Variants in ERMARD observed in about 807,000 individuals in gnomAD.
The protein encoded by ERMARD is endoplasmic reticulum membrane-associated RNA degradation protein.
Under a neutral mutation model 83.9 loss-of-function variants are expected in ERMARD, and 71 were observed. That is an observed-to-expected ratio of 0.85 (90% CI 0.70 to 1.03). The LOEUF (loss-of-function observed/expected upper bound fraction) is 1.03. Among genes scored for constraint, ERMARD ranks in the 50% least tolerant of loss-of-function variants. The probability of loss-of-function intolerance (pLI) is 0.00; values close to 1 mark genes in which losing one functional copy is unlikely to be tolerated. For synonymous variants in ERMARD, 284 were observed against 298.6 expected (o/e 0.95, Z 0.50); for missense variants, 838 against 810.9 (o/e 1.03, Z -0.41).
At chr6:169,756,695 AC>A (rs1790858957) in intron 4 of ERMARD, 23 bp from the exon 5 acceptor site, 2 of 1,592,106 alleles carry the variant, frequency 1.3e-6, no homozygotes, top group Admixed American at 1.7e-5. Context: ...TACAACTGTT[AC>A]ACAATTTTTG....
chr6:169,762,397 G>T, intron 8 of ERMARD, 32 bp from the exon 9 acceptor site: 1 of 1,577,350 alleles, frequency 6.3e-7, no homozygotes, highest in Non-Finnish European at 8.7e-7. Context: ...TTGAAATGTG[G>T]AGTTTTACCT....
At chr6:169,780,903 CA>C (rs1794132374) in intron 17 of ERMARD, among the ~76,000 whole-genome samples, 1 of 152,234 alleles carries the variant, frequency 6.6e-6, no homozygotes, top group South Asian at 2.1e-4. Flanking sequence ...CCCACATGTT[CA>C]GGGGGCCAAT....
At position 169,755,278 on chromosome 6, in the gene ERMARD, T is replaced by G; in HGVS notation, c.176-5T>G. On this transcript the variant is annotated splice_region_variant and splice_polypyrimidine_tract_variant and intron_variant, in intron 2 of 17. Coordinates refer to ENST00000366773, the MANE Select transcript of ERMARD (RefSeq NM_018341.3). ...GTGCTGAAATTTGTTTTCTTATCCT[T>G]TAAGAGCAGGGTCTGGATTACTGGG... is the stretch of plus-strand genomic sequence containing the variant. 1 of 1,613,384 alleles carries G rather than the reference T, an allele frequency of 6.2e-7. No individual in the cohort carries two copies.
chr6:169,752,254 A>G (rs1585331360), intron 1 of ERMARD, among the ~76,000 whole-genome samples: 1 of 152,282 alleles, frequency 6.6e-6, no homozygotes, highest in African/African-American at 2.4e-5. Context: ...ATTTTTGAGT[A>G]CTATGTGCTA....
intron 12 of ERMARD, among the ~76,000 whole-genome samples, chr6:169,772,313 G>A (rs959584477): frequency 9.2e-5 from 14 of 152,328 alleles, no homozygotes; most frequent in Non-Finnish European, 8.8e-5. Flanking sequence ...CTGCGGGGAC[G>A]TCACCCATGC....
intron 10 of ERMARD, 129 bp from the exon 11 acceptor site, chr6:169,767,974 T>A (rs1792430155): frequency 4.4e-6 from 3 of 684,372 alleles, no homozygotes; most frequent in Non-Finnish European, 7.7e-6. Context: ...TTTTAAAGAC[T>A]GTCCATTTAA....
chr6:169,769,980 GGAAA>G (rs1792698686), intron 12 of ERMARD, among the ~76,000 whole-genome samples: 1 of 151,974 alleles, frequency 6.6e-6, no homozygotes, highest in African/African-American at 2.4e-5. Context: ...GTATTGAAAA[GGAAA>G]GAACAAATTA....
chr6:169,757,596 A>G (rs1423114604), intron 5 of ERMARD, among the ~76,000 whole-genome samples: 1 of 152,242 alleles, frequency 6.6e-6, no homozygotes, highest in Non-Finnish European at 1.5e-5. Context: ...TTAAAATCTC[A>G]TAAAGGGCAC....
rs996438069 is a variant in ERMARD, at chr6:169,773,419, G to T, written c.1317+17G>T. The T allele has an allele frequency of 1.2e-6, 2 of 1,613,222 alleles. No homozygotes were observed. The highest frequency in any genetic ancestry group is 1.6e-4 in the Middle Eastern group (1 of 6,062). On this transcript the variant is annotated intron_variant, in intron 13 of 17. Transcript: ENST00000366773. ...AAAAAACAGGTATGCCAAATGCAGG[G>T]TCCCGGGAGGGGCGTGTATGTCTCT...
intron 3 of ERMARD, among the ~76,000 whole-genome samples, chr6:169,755,953 G>A (rs548980192): frequency 6.6e-6 from 1 of 152,250 alleles, no homozygotes; most frequent in East Asian, 1.9e-4. Context: ...TTTGAATTTG[G>A]AGTGAAGGAA....
At chr6:169,768,562 T>C (rs1164744312) in intron 11 of ERMARD, among the ~76,000 whole-genome samples, 1 of 152,068 alleles carries the variant, frequency 6.6e-6, no homozygotes, top group Middle Eastern at 3.2e-3. Flanking sequence ...TCAATACCAG[T>C]CTGGTCAATA....
Position 169,776,793 on chromosome 6 carries a change from T to TGAG in ERMARD, c.1739+121_1739+122insAGG, listed in dbSNP as rs1162666651. The TGAG allele has an allele frequency of 9.5e-6, 11 of 1,163,270 alleles. No individual in the cohort carries two copies. In the African/African-American group the frequency reaches 1.7e-4, roughly 18 times the overall value. The allele number at this position is 1,163,270 out of a possible 1,614,324, so 72.1% of individuals were successfully genotyped here. A position where few individuals can be genotyped will look rare whatever the true frequency, so the allele number is the denominator to read the frequency against. On this transcript the variant is annotated intron_variant, in intron 16 of 17. Transcript: ENST00000366773. ...CCCCTCACTGAACCCCATCGACAGGTGTTGATATACTTGGAGTCCACAACT... is the reference window on the plus strand; with the variant it reads ...CCCCTCACTGAACCCCATCGACAGGTGAGGTTGATATACTTGGAGTCCACAACT...
At chr6:169,756,506 A>C (rs1215089306) in intron 4 of ERMARD, 67 bp downstream of exon 4, 2 of 1,182,546 alleles carry the variant, frequency 1.7e-6, no homozygotes, top group African/African-American at 1.5e-5. Context: ...ACTATTTTAC[A>C]GTTGTCCTCA....
chr6:169,778,107 G>C (rs1793803909), intron 16 of ERMARD, among the ~76,000 whole-genome samples: 3 of 152,198 alleles, frequency 2.0e-5, no homozygotes, highest in African/African-American at 7.2e-5. Context: ...CACAGCTCTG[G>C]GATGTGGAGG....
In ERMARD at chr6:169,766,672, G is replaced by A. The variant is rs1315212838; in HGVS notation, c.990+5G>A. The A allele has an allele frequency of 1.9e-6, 3 of 1,571,200 alleles. No homozygotes were observed. Among genetic ancestry groups the A allele is most frequent in the South Asian group, 1.2e-5 (1 of 82,940 alleles). On this transcript the variant is annotated splice_donor_5th_base_variant and intron_variant, in intron 10 of 17. Transcript: ENST00000366773. The stretch of plus-strand genomic sequence containing the variant: ...CTTTATACCACCTTTGATCAAGTAA[G>A]TAAGTAAACTTGTAAGGTAACTTGA...
intron 3 of ERMARD, chr6:169,755,727 G>A (rs967057000): frequency 2.0e-5 from 6 of 297,226 alleles, no homozygotes; most frequent in South Asian, 4.9e-5. Flanking sequence ...AGAATAAGGC[G>A]TTGTGGAGAG....
upstream of ERMARD, chr6:169,751,391 G>A (rs767579972): frequency 1.9e-6 from 3 of 1,614,056 alleles, no homozygotes; most frequent in Non-Finnish European, 2.5e-6. Context: ...CGTCACCGGA[G>A]CCTGCTGAGG....
Position 169,753,989 on chromosome 6 carries a change from A to G in ERMARD, c.132A>G (p.Val44=), listed in dbSNP as rs1790478793. The G allele has an allele frequency of 1.2e-6, 2 of 1,613,496 alleles. No homozygotes were observed. Among genetic ancestry groups the G allele is most frequent in the Non-Finnish European group, 1.7e-6 (2 of 1,179,592 alleles). ...INSIVTQNGE[V]CWKTITDCVS... ...GCATTGTAACTCAGAATGGTGAAGT[A>G]TGCTGGAAAACAATCACAGACTGTG... Residue 44 remains valine, a synonymous_variant, in exon 2 of 18, where the codon GTA becomes GTG. Transcript: ENST00000366773.
Position 169,779,305 on chromosome 6 carries a change from T to C in ERMARD, c.1853+10T>C. The C allele has an allele frequency of 6.2e-7, 1 of 1,607,908 alleles. No homozygotes were observed. Among genetic ancestry groups the C allele is most frequent in the Non-Finnish European group, 8.5e-7 (1 of 1,174,280 alleles). On this transcript the variant is annotated intron_variant, in intron 17 of 17. Transcript: ENST00000366773. ...ATCAGCAGTACCTAAAGTAAGTGTG[T>C]CACAGTATGTCTGCAGTCACATTGC...
Sources: gnomAD v4.1 joint callset for allele counts (sites outside exome capture counted in the v4.1 genomes callset) on GRCh38, gnomAD v4.1.1 for gene constraint, MANE v1.5 for transcripts, NCBI Gene and HGNC (gene_info 2026-07-23, HGNC 2026-07-21) for gene names.